BRWD1: variants seen among roughly 807,000 people sequenced by gnomAD.
BRWD1 encodes the protein bromodomain and WD repeat-containing protein 1.
A neutral mutation model predicts 251.2 loss-of-function variants in BRWD1; 82 were observed. The ratio of observed to expected loss-of-function variants is 0.33; its 90% CI spans 0.27 to 0.39. The LOEUF is 0.39. Ranked by LOEUF, BRWD1 falls within the 10% of genes least tolerant of loss-of-function variation. The pLI, the probability that BRWD1 is intolerant of heterozygous loss-of-function variation, is 1.00. For missense variants in BRWD1, 2,233 were observed against 2,711.6 expected (o/e 0.82, Z 3.92); for synonymous variants, 918 against 902.8 (o/e 1.02, Z -0.30).
Position 39,200,284 on chromosome 21 carries a change from C to T in BRWD1, c.4688G>A (p.Arg1563His), listed in dbSNP as rs751823983. The T allele has an allele frequency of 3.1e-6, 5 of 1,614,070 alleles. No homozygotes were observed. Among genetic ancestry groups the T allele is most frequent in the Admixed American group, 3.3e-5 (2 of 60,008 alleles). The change falls in exon 39 of 41, where the codon CGC becomes CAC. Residue 1563 changes from arginine (R) to histidine (H), a missense_variant. Physicochemically the swap from Arg to His is conservative, Grantham distance 29. This residue lies in a region of BRWD1 where 928 missense variants were observed against 970.0 expected (regional missense o/e 0.96). Coordinates refer to ENST00000342449, the MANE Select transcript of BRWD1 (RefSeq NM_033656.4). Reference sequence around the variant, plus strand: ...ATTGCTGCTTCTGGATAGCCCACTGCGTGAGGAGGATTCACGAGCTCTGGA... The same window carrying T: ...ATTGCTGCTTCTGGATAGCCCACTGTGTGAGGAGGATTCACGAGCTCTGGA... Reference protein sequence around the residue: ...ESSRARESSSRSGLSRSSNLR... With the variant: ...ESSRARESSSHSGLSRSSNLR...
chr21:39,272,666 G>T (rs984671897), intron 13 of BRWD1, among the ~76,000 whole-genome samples: 1 of 147,790 alleles, frequency 6.8e-6, no homozygotes, highest in Non-Finnish European at 1.5e-5. Context: ...GGGGTGTAGT[G>T]GCTCCATCTA....
chr21:39,228,023 C>G (rs1306292099), intron 27 of BRWD1, among the ~76,000 whole-genome samples: 2 of 152,178 alleles, frequency 1.3e-5, no homozygotes, highest in Admixed American at 1.3e-4. Context: ...GGCACGGTGG[C>G]TCACACCTCT....
intron 29 of BRWD1, among the ~76,000 whole-genome samples, chr21:39,221,154 TAAAAAA>T (rs35879682): frequency 5.5e-5 from 6 of 109,908 alleles, no homozygotes; most frequent in East Asian, 2.5e-4. Context: ...AACTACATCT[TAAAAAA>T]AAAAAAAAAA....
chr21:39,191,644 T>C lies in BRWD1; in HGVS notation c.*4615A>G, dbSNP rs1372462714. The C allele has an allele frequency of 2.0e-6, 2 of 984,142 alleles. No homozygotes were observed. Among genetic ancestry groups the C allele is most frequent in the Non-Finnish European group, 1.2e-6 (1 of 828,848 alleles). The allele number at this position is 984,142 out of a possible 1,614,324, so 61.0% of individuals were successfully genotyped here. On this transcript the variant is annotated 3_prime_UTR_variant, in exon 41 of 41. Coordinates refer to ENST00000342449, the MANE Select transcript of BRWD1 (RefSeq NM_033656.4). ...CACATTTAGAAAATTAACTTGAATA[T>C]ATCAAAAATTAAAGATCCCTTTAAC...
Position 39,199,466 on chromosome 21 carries a change from A to G in BRWD1, c.4950T>C (p.Ser1650=), listed in dbSNP as rs778025840. Reference sequence around the variant, plus strand: ...GACCAGAACAGACACTTTCAGAGCTAGAATTCTCTTCTACATCACTCATTA... The same window carrying G: ...GACCAGAACAGACACTTTCAGAGCTGGAATTCTCTTCTACATCACTCATTA... ...IKLMSDVEEN[S]SSESVCSGRK... is the part of the protein sequence containing the mutation. The change falls in exon 40 of 41, where the codon TCT becomes TCC. Residue 1650 remains serine, a synonymous_variant. Coordinates refer to ENST00000342449, the MANE Select transcript of BRWD1 (RefSeq NM_033656.4). 19 of 1,614,036 alleles carry G rather than the reference A, an allele frequency of 1.2e-5. No individual in the cohort carries two copies. The highest frequency in any genetic ancestry group is 1.6e-5 in the Non-Finnish European group (19 of 1,179,880).
In BRWD1 at chr21:39,193,573, C is replaced by A; in HGVS notation, c.*2686G>T. The A allele has an allele frequency of 1.0e-6, 1 of 985,400 alleles. No homozygotes were observed. Among genetic ancestry groups the A allele is most frequent in the Non-Finnish European group, 1.2e-6 (1 of 829,692 alleles). 61.0% of individuals were successfully genotyped at this position (985,400 alleles called of 1,614,324 possible). A position where few individuals can be genotyped will look rare whatever the true frequency, so the allele number is the denominator to read the frequency against. On this transcript the variant is annotated 3_prime_UTR_variant, in exon 41 of 41. Coordinates refer to ENST00000342449, the MANE Select transcript of BRWD1 (RefSeq NM_033656.4). The stretch of plus-strand genomic sequence containing the variant: ...CCTGTAAAACCATAAATGAATAAAA[C>A]CATAGGACTTTGGACATACACAACC...
In BRWD1 at chr21:39,186,920, A is replaced by G. The variant is rs1431833728; in HGVS notation, c.*9339T>C. ...ATTATGGCTTTTAGAAAATTCCTCCAAAGATGCCAATAAGGGAGTAATTTT... is the reference window on the plus strand; with the variant it reads ...ATTATGGCTTTTAGAAAATTCCTCCGAAGATGCCAATAAGGGAGTAATTTT... On this transcript the variant is annotated 3_prime_UTR_variant, in exon 41 of 41. Coordinates refer to ENST00000342449, the MANE Select transcript of BRWD1 (RefSeq NM_033656.4). 2.0e-6 allele frequency: 3 copies of G among 1,482,696 alleles called. No homozygotes were observed. Among genetic ancestry groups the G allele is most frequent in the Non-Finnish European group, 1.8e-6 (2 of 1,120,946 alleles). The allele number at this position is 1,482,696 out of a possible 1,614,324, so 91.8% of individuals were successfully genotyped here. A position where few individuals can be genotyped will look rare whatever the true frequency, so the allele number is the denominator to read the frequency against.
intron 4 of BRWD1, among the ~76,000 whole-genome samples, chr21:39,305,499 G>T (rs778976044): frequency 1.3e-5 from 2 of 152,112 alleles, no homozygotes; most frequent in Non-Finnish European, 2.9e-5. Context: ...GGCCAAGGTC[G>T]GTGGATCACC....
intron 8 of BRWD1, among the ~76,000 whole-genome samples, chr21:39,281,043 A>G (rs1414942137): frequency 6.6e-6 from 1 of 152,214 alleles, no homozygotes; most frequent in East Asian, 1.9e-4. Flanking sequence ...GCAAAGGAAT[A>G]ATATCAGCAC....
rs767526473 is a variant in BRWD1, at chr21:39,298,508, T to G, written c.273A>C (p.Lys91Asn). 3 of 1,611,420 alleles carry G rather than the reference T, an allele frequency of 1.9e-6. No individual in the cohort carries two copies. In the Admixed American group the frequency reaches 5.1e-5, roughly 27 times the overall value. Residue 91 changes from lysine to asparagine, a missense_variant, in exon 5 of 41, where the codon AAA becomes AAC. Physicochemically the swap from Lys to Asn is moderately conservative, Grantham distance 94. Coordinates refer to ENST00000342449, the MANE Select transcript of BRWD1 (RefSeq NM_033656.4). ...ICQRIGPMLD[K>N]EIPPSISRVT... ...CTCTTGAAATACTGGGTGGAATTTC[T>G]TTATCCAACATAGGACCGATGCGCT...
chr21:39,296,615 C>CATT, intron 5 of BRWD1: 2 of 1,029,564 alleles, frequency 1.9e-6, no homozygotes, highest in Non-Finnish European at 2.4e-6. Context: ...TTTCAACATA[C>CATT]ATTAGCTCAT....
rs1020160009 is a variant in BRWD1 at position 39,255,805 on chromosome 21, T to C, written c.2095A>G (p.Ile699Val). 2.0e-5 allele frequency: 33 copies of C among 1,614,036 alleles called. No individual in the cohort carries two copies. The highest frequency in any genetic ancestry group is 2.8e-5 in the Non-Finnish European group (33 of 1,180,010). ...AGACCAATATTTGGAGGGGACTGAA[T>C]GTCTAAGCTCAGCCTTCTAAAACCT... ...RRGFRRLSLDIQSPPNIGLRR... is the reference protein window; with the variant it reads ...RRGFRRLSLDVQSPPNIGLRR... The change falls in exon 19 of 41, where the codon ATT becomes GTT. Residue 699 changes from isoleucine to valine, a missense_variant. Coordinates refer to ENST00000342449, the MANE Select transcript of BRWD1 (RefSeq NM_033656.4).
chr21:39,248,641 C>CAAAAAAAAAAAAAAAAAAA (rs375430016), intron 20 of BRWD1, among the ~76,000 whole-genome samples: 1 of 83,300 alleles, frequency 1.2e-5, no homozygotes, highest in East Asian at 4.0e-4. Flanking sequence ...CCCTATCTCC[C>CAAAAAAAAAAAAAAAAAAA]AAAAAAAAAA....
At chr21:39,274,306 A>T in intron 13 of BRWD1, 68 bp downstream of exon 13, 2 of 149,694 alleles carry the variant, frequency 1.3e-5, no homozygotes, top group African/African-American at 5.6e-5. Flanking sequence ...ACAGAGAGCG[A>T]GAGAGAGAGA....
intron 29 of BRWD1, among the ~76,000 whole-genome samples, chr21:39,221,065 G>C (rs1450672452): frequency 6.7e-6 from 1 of 149,086 alleles, no homozygotes; most frequent in Non-Finnish European, 1.5e-5. Flanking sequence ...TGAGGCAAGA[G>C]AATCACTTGA....
chr21:39,239,178 A>C (rs1190031168), intron 21 of BRWD1, among the ~76,000 whole-genome samples: 1 of 152,032 alleles, frequency 6.6e-6, no homozygotes, highest in Non-Finnish European at 1.5e-5. Context: ...AGCAGTTTTC[A>C]TTTCAGTGTA....
upstream of BRWD1, among the ~76,000 whole-genome samples, chr21:39,315,228 TCCTGGCCTCAGGTG>T (rs2036676037): frequency 6.6e-6 from 1 of 151,672 alleles, no homozygotes; most frequent in African/African-American, 2.4e-5. Context: ...GGTCTCGAAC[TCCTGGCCTCAGGTG>T]ATCCACCCGC....
At chr21:39,253,199 G>A (rs916819022) in intron 19 of BRWD1, among the ~76,000 whole-genome samples, 2 of 142,896 alleles carry the variant, frequency 1.4e-5, no homozygotes, top group Non-Finnish European at 3.0e-5. Flanking sequence ...TGAGGCAAGA[G>A]AATCGCTTGA....
chr21:39,288,585 T>C (rs190605653), intron 8 of BRWD1, among the ~76,000 whole-genome samples: 2 of 152,318 alleles, frequency 1.3e-5, no homozygotes, highest in East Asian at 3.9e-4. Flanking sequence ...CCCCAGGCAG[T>C]TGAAAATCCA....
Sources: allele counts gnomAD v4.1 joint callset (sites outside exome capture counted in the v4.1 genomes callset), GRCh38; gene constraint gnomAD v4.1.1; regional missense constraint gnomAD v4.1.1; transcripts MANE v1.5; gene names NCBI Gene and HGNC (gene_info 2026-07-23, HGNC 2026-07-21).